The following PRKCE variants were observed in gnomAD, a reference collection of about 807,000 sequenced individuals.
PRKCE encodes the protein protein kinase C epsilon.
Under a neutral mutation model 85.4 loss-of-function variants are expected in PRKCE, and 16 were observed. The observed-to-expected ratio is 0.19, with a 90% CI of 0.13 to 0.28. The LOEUF (loss-of-function observed/expected upper bound fraction) is 0.28. PRKCE is among the 10% of genes least tolerant of loss of function. PRKCE has a pLI of 1.00. For synonymous variants in PRKCE, 388 were observed against 371.5 expected (o/e 1.04, Z -0.51); for missense variants, 573 against 975.2 (o/e 0.59, Z 5.49).
At chr2:45,841,160 C>T (rs1691315766) in intron 1 of PRKCE, among the ~76,000 whole-genome samples, 1 of 152,160 alleles carries the variant, frequency 6.6e-6, no homozygotes, top group Non-Finnish European at 1.5e-5. Flanking sequence ...CTGTATTAGT[C>T]AGTGTTCTCT....
intron 1 of PRKCE, among the ~76,000 whole-genome samples, chr2:45,785,720 A>T (rs561584440): frequency 6.6e-6 from 1 of 152,112 alleles, no homozygotes; most frequent in East Asian, 1.9e-4. Context: ...ACTTATGGTG[A>T]CCACTACCCT....
At chr2:45,820,227 A>G (rs936930749) in intron 1 of PRKCE, among the ~76,000 whole-genome samples, 1 of 152,154 alleles carries the variant, frequency 6.6e-6, no homozygotes, top group African/African-American at 2.4e-5. Context: ...GAAATGTTCT[A>G]TGTGCTCCTG....
chr2:46,054,801 C>T (rs992377649), intron 10 of PRKCE, among the ~76,000 whole-genome samples: 1 of 152,156 alleles, frequency 6.6e-6, no homozygotes, highest in East Asian at 1.9e-4. Flanking sequence ...GCCCCACCCC[C>T]CATCCTGTGC....
At chr2:45,864,174 C>G (rs1049565688) in intron 2 of PRKCE, among the ~76,000 whole-genome samples, 1 of 152,182 alleles carries the variant, frequency 6.6e-6, no homozygotes, top group Non-Finnish European at 1.5e-5. Context: ...TCTGGCTGCT[C>G]CCCACAGCAG....
rs1011695833 is a variant in PRKCE at position 45,668,846 on chromosome 2, A to C, written c.348+16398A>C. Reference sequence around the variant, plus strand: ...CACATGTAAGTAATAGTGATGAACCACTTTGGGATTCAGGGAGGGGGACGG... The same window carrying C: ...CACATGTAAGTAATAGTGATGAACCCCTTTGGGATTCAGGGAGGGGGACGG... On this transcript the variant is annotated intron_variant, in intron 1 of 14. Coordinates refer to ENST00000306156, the MANE Select transcript of PRKCE (RefSeq NM_005400.3). Among the ~76,000 whole-genome samples, 4 of 152,254 alleles carry C rather than the reference A, an allele frequency of 2.6e-5. No homozygotes were observed. The East Asian group carries it at 7.7e-4, about 29-fold the overall frequency.
chr2:45,684,908 A>G (rs1330699835), intron 1 of PRKCE, among the ~76,000 whole-genome samples: 2 of 152,198 alleles, frequency 1.3e-5, no homozygotes, highest in Non-Finnish European at 2.9e-5. Context: ...CAGAAAGAGG[A>G]AACAGAAGGT....
At chr2:45,788,633 T>G (rs1404757774) in intron 1 of PRKCE, among the ~76,000 whole-genome samples, 1 of 152,196 alleles carries the variant, frequency 6.6e-6, no homozygotes, top group African/African-American at 2.4e-5. Context: ...GTGATCTTGT[T>G]TCAACAGTGC....
At chr2:46,120,353 A>C (rs1029346886) in intron 11 of PRKCE, among the ~76,000 whole-genome samples, 3 of 152,188 alleles carry the variant, frequency 2.0e-5, no homozygotes, top group Non-Finnish European at 4.4e-5. Flanking sequence ...TGCTGCTGGC[A>C]TCTAGTGGGT....
intron 2 of PRKCE, among the ~76,000 whole-genome samples, chr2:45,877,548 T>C (rs1301113086): frequency 6.6e-6 from 1 of 152,210 alleles, no homozygotes; most frequent in Non-Finnish European, 1.5e-5. Flanking sequence ...CATCGAGTTT[T>C]TAAATTATGG....
intron 11 of PRKCE, among the ~76,000 whole-genome samples, chr2:46,133,204 C>G (rs1249005666): frequency 1.3e-5 from 2 of 152,182 alleles, no homozygotes; most frequent in African/African-American, 4.8e-5. Flanking sequence ...TCCAAGAACG[C>G]CCCCAGAAAG....
intron 1 of PRKCE, among the ~76,000 whole-genome samples, chr2:45,657,577 T>A (rs1027189601): frequency 2.0e-5 from 3 of 152,168 alleles, no homozygotes; most frequent in Admixed American, 6.5e-5. Flanking sequence ...TTTGACTGAA[T>A]TGATTATTAT....
At position 46,099,763 on chromosome 2, in the gene PRKCE, A is replaced by G. The variant is rs114712923; in HGVS notation, c.1592+13401A>G. ...TTTCTTGACTAACCTATTTACATTT[A>G]TCGAGAAAACTCCAGGGAGGTGAGG... On this transcript the variant is annotated intron_variant, in intron 11 of 14. Transcript: ENST00000306156. Among the ~76,000 whole-genome samples the G allele has an allele frequency of 5.6e-3, 847 of 152,286 alleles. 10 individuals carry two copies. Among genetic ancestry groups the G allele is most frequent in the African/African-American group, 0.019 (803 of 41,568 alleles).
intron 1 of PRKCE, among the ~76,000 whole-genome samples, chr2:45,800,045 G>A (rs1029112278): frequency 1.3e-5 from 2 of 152,204 alleles, no homozygotes; most frequent in Non-Finnish European, 2.9e-5. Flanking sequence ...CTCCAGGCTG[G>A]TCAAGTGGGG....
chr2:45,876,145 G>A (rs551500390), intron 2 of PRKCE, among the ~76,000 whole-genome samples: 1 of 152,120 alleles, frequency 6.6e-6, no homozygotes, highest in Non-Finnish European at 1.5e-5. Flanking sequence ...AGTGGCTCTG[G>A]TCTCCCTGCT....
chr2:45,716,630 G>GAGAAGAAGA (rs139135622), intron 1 of PRKCE, among the ~76,000 whole-genome samples: 1 of 146,302 alleles, frequency 6.8e-6, no homozygotes, highest in South Asian at 2.2e-4. Flanking sequence ...GAAGGAGAAG[G>GAGAAGAAGA]AGAAGAAGAA....
intron 1 of PRKCE, among the ~76,000 whole-genome samples, chr2:45,766,683 T>C (rs1558648736): frequency 6.6e-6 from 1 of 152,206 alleles, no homozygotes; most frequent in Non-Finnish European, 1.5e-5. Flanking sequence ...ATCTTGGGCC[T>C]CTTGAATCAT....
At chr2:45,896,196 T>C (rs1573788453) in intron 2 of PRKCE, among the ~76,000 whole-genome samples, 1 of 152,204 alleles carries the variant, frequency 6.6e-6, no homozygotes, top group Non-Finnish European at 1.5e-5. Context: ...GAGTGGTCTG[T>C]GTGGGGTCTA....
intron 10 of PRKCE, among the ~76,000 whole-genome samples, chr2:46,046,979 T>C (rs1037801005): frequency 8.5e-5 from 13 of 152,336 alleles, no homozygotes; most frequent in African/African-American, 3.1e-4. Context: ...ACACTGGGCT[T>C]TCCTCAACTT....
At chr2:45,698,896 T>A (rs905675838) in intron 1 of PRKCE, among the ~76,000 whole-genome samples, 4 of 152,132 alleles carry the variant, frequency 2.6e-5, no homozygotes, top group Admixed American at 2.6e-4. Context: ...TTTGGGAGAA[T>A]TAACATCCAT....
Sources: allele counts gnomAD v4.1 joint callset (sites outside exome capture counted in the v4.1 genomes callset), GRCh38; gene constraint gnomAD v4.1.1; transcripts MANE v1.5; gene names NCBI Gene and HGNC (gene_info 2026-07-23, HGNC 2026-07-21).